The following LARGE1 variants were observed in gnomAD, a reference collection of about 807,000 sequenced individuals.
The protein encoded by LARGE1 is xylosyl- and glucuronyltransferase LARGE1.
In LARGE1, 43 loss-of-function variants were observed where a neutral mutation model predicts 87.6. The ratio of observed to expected loss-of-function variants is 0.49; its 90% CI spans 0.38 to 0.63. LARGE1 has a LOEUF of 0.63. LARGE1 is among the 30% of genes least tolerant of loss of function. The pLI is 0.00. For synonymous variants in LARGE1, 434 were observed against 394.6 expected (o/e 1.10, Z -1.18); for missense variants, 802 against 1,000.2 (o/e 0.80, Z 2.67).
At chr22:33,907,410 G>A (rs552182522) in intron 1 of LARGE1, among the ~76,000 whole-genome samples, 4 of 152,206 alleles carry the variant, frequency 2.6e-5, no homozygotes, top group East Asian at 1.9e-4. Flanking sequence ...CCCCATCACC[G>A]TCTGATAATT....
chr22:33,519,998 CTTTTTTTTTTTTT>C (rs397868082), intron 6 of LARGE1, among the ~76,000 whole-genome samples: 6 of 97,230 alleles, frequency 6.2e-5, no homozygotes, highest in East Asian at 5.5e-4. Flanking sequence ...TGGTTTTTCT[CTTTTTTTTTTTTT>C]TTTTTTTTTT....
intron 11 of LARGE1, among the ~76,000 whole-genome samples, chr22:33,230,383 A>G (rs1467879919): frequency 6.6e-6 from 1 of 152,162 alleles, no homozygotes; most frequent in East Asian, 1.9e-4. Context: ...TATATTGAAG[A>G]GCAGTGGTGA....
intron 11 of LARGE1, among the ~76,000 whole-genome samples, chr22:33,170,857 T>C (rs1356641272): frequency 6.6e-6 from 1 of 152,134 alleles, no homozygotes; most frequent in Non-Finnish European, 1.5e-5. Context: ...GGAAGCAACT[T>C]TGGAACTGGG....
chr22:33,346,289 CTCCTCCT>C (rs1939743675), intron 9 of LARGE1, among the ~76,000 whole-genome samples: 1 of 149,750 alleles, frequency 6.7e-6, no homozygotes, highest in Admixed American at 6.7e-5. Context: ...CCTCCTCCTC[CTCCTCCT>C]TCTTCTTTTT....
intron 11 of LARGE1, among the ~76,000 whole-genome samples, chr22:33,192,382 T>C (rs960985523): frequency 1.3e-5 from 2 of 152,218 alleles, no homozygotes; most frequent in Admixed American, 6.5e-5. Context: ...TGAGGTGGCA[T>C]CTCACTGTGG....
At chr22:33,500,279 G>T (rs964763735) in intron 6 of LARGE1, among the ~76,000 whole-genome samples, 3 of 152,190 alleles carry the variant, frequency 2.0e-5, no homozygotes, top group African/African-American at 7.2e-5. Context: ...TAGGTGCTAA[G>T]TGGGAGATGA....
At chr22:33,175,314 G>A (rs117063235) in intron 11 of LARGE1, among the ~76,000 whole-genome samples, 1,534 of 152,186 alleles carry the variant, frequency 0.01, 15 homozygotes, top group Non-Finnish European at 0.018. Context: ...GAAGGGAAGG[G>A]AGAGAGAAAG....
intron 9 of LARGE1, among the ~76,000 whole-genome samples, chr22:33,346,996 G>C (rs1939840376): frequency 6.6e-6 from 1 of 152,184 alleles, no homozygotes; most frequent in African/African-American, 2.4e-5. Flanking sequence ...GTGATGACTA[G>C]AACCATGACA....
intron 11 of LARGE1, among the ~76,000 whole-genome samples, chr22:33,255,460 G>A (rs1192486654): frequency 6.6e-6 from 1 of 152,186 alleles, no homozygotes; most frequent in Non-Finnish European, 1.5e-5. Flanking sequence ...ATGAAGTTGG[G>A]TGAGGATGTC....
At chr22:33,626,386 C>T in intron 3 of LARGE1, 60 bp from the exon 4 acceptor site, 1 of 1,337,132 alleles carries the variant, frequency 7.5e-7, no homozygotes, top group Non-Finnish European at 1.1e-6. Context: ...CTTCCTGGTG[C>T]TTCAGATCAC....
intron 11 of LARGE1, among the ~76,000 whole-genome samples, chr22:33,256,219 G>A (rs988436923): frequency 2.6e-5 from 4 of 152,212 alleles, no homozygotes; most frequent in African/African-American, 7.2e-5. Context: ...TCTGGAGGAC[G>A]ATAGAAGAGA....
chr22:33,389,480 C>T (rs924509207), intron 7 of LARGE1, among the ~76,000 whole-genome samples: 10 of 152,148 alleles, frequency 6.6e-5, no homozygotes, highest in Admixed American at 2.0e-4. Flanking sequence ...GTTGGGAAGT[C>T]CTACTGAGGA....
At chr22:33,570,801 T>A (rs1396470157) in intron 5 of LARGE1, among the ~76,000 whole-genome samples, 1 of 152,012 alleles carries the variant, frequency 6.6e-6, no homozygotes, top group Non-Finnish European at 1.5e-5. Context: ...TTTGGGGCAG[T>A]CTCTCCATGC....
chr22:33,529,505 T>G (rs905496709), intron 6 of LARGE1, among the ~76,000 whole-genome samples: 4 of 152,222 alleles, frequency 2.6e-5, no homozygotes, highest in Non-Finnish European at 5.9e-5. Context: ...CCAACGTGCC[T>G]AGCTATTAAC....
chr22:33,287,852 A>G (rs1399073465), intron 12 of LARGE1, among the ~76,000 whole-genome samples: 1 of 152,208 alleles, frequency 6.6e-6, no homozygotes, highest in East Asian at 1.9e-4. Flanking sequence ...CTAAATGTAG[A>G]TTATTAAGAT....
At chr22:33,607,904 C>T (rs1486352263) in intron 4 of LARGE1, among the ~76,000 whole-genome samples, 1 of 152,188 alleles carries the variant, frequency 6.6e-6, no homozygotes, top group Non-Finnish European at 1.5e-5. Flanking sequence ...CTATGCTCAC[C>T]ATGCTCAGGG....
At chr22:33,904,348 G>T (rs62225072) in intron 1 of LARGE1, among the ~76,000 whole-genome samples, 8,687 of 152,246 alleles carry the variant, frequency 0.057, 307 homozygotes, top group African/African-American at 0.089. Flanking sequence ...TAGAGACAGG[G>T]TTTCACCATG....
At chr22:33,207,951 T>C (rs951001634) in intron 11 of LARGE1, among the ~76,000 whole-genome samples, 6 of 152,218 alleles carry the variant, frequency 3.9e-5, no homozygotes, top group African/African-American at 1.4e-4. Flanking sequence ...CCATTGAGTT[T>C]AGGCAATCTT....
Position 33,384,784 on chromosome 22 carries a change from T to C in LARGE1, c.893-480A>G, listed in dbSNP as rs182566734. Among the ~76,000 whole-genome samples, 216 of 148,662 alleles carry C rather than the reference T, an allele frequency of 1.5e-3. 23 individuals are homozygous for C. Among genetic ancestry groups the C allele is most frequent in the Admixed American group, 5.7e-3 (86 of 14,980 alleles). ...TGTTATGTATATCTCACCACAATAA[T>C]GAAAAAAAAGATTCTAGCTCTGCAC... On this transcript the variant is annotated intron_variant, in intron 7 of 14. Coordinates refer to ENST00000397394, the MANE Select transcript of LARGE1 (RefSeq NM_133642.5).
Sources: gnomAD v4.1 joint callset for allele counts (sites outside exome capture counted in the v4.1 genomes callset) on GRCh38, gnomAD v4.1.1 for gene constraint, MANE v1.5 for transcripts, NCBI Gene and HGNC (gene_info 2026-07-23, HGNC 2026-07-21) for gene names.